Variants in RBFOX2 observed in about 807,000 individuals in gnomAD.
RBFOX2 encodes the protein RNA binding fox-1 homolog 2, also known as RNA binding protein fox-1 homolog 2.
RBFOX2 carries 10 observed loss-of-function variants against 49.1 expected under a neutral mutation model. The observed-to-expected ratio is 0.20, with a 90% CI of 0.13 to 0.35. The LOEUF is 0.35. RBFOX2 is among the 10% of genes least tolerant of loss of function. The pLI is 1.00. For synonymous variants in RBFOX2, 183 were observed against 187.4 expected (o/e 0.98, Z 0.19); for missense variants, 323 against 486.9 (o/e 0.66, Z 3.17).
chr22:35,912,383 T>A (rs1189246918), intron 1 of RBFOX2, among the ~76,000 whole-genome samples: 1 of 152,216 alleles, frequency 6.6e-6, no homozygotes, highest in Non-Finnish European at 1.5e-5. Flanking sequence ...ATGTACCAAG[T>A]GATGGAGCAA....
chr22:35,916,878 T>A (rs6000033), intron 1 of RBFOX2, among the ~76,000 whole-genome samples: 2,706 of 137,450 alleles, frequency 0.02, 62 homozygotes, highest in Middle Eastern at 0.054. Context: ...CTGAAAAATT[T>A]AAAAAAAAAA....
intron 1 of RBFOX2, among the ~76,000 whole-genome samples, chr22:35,945,923 T>C (rs535332867): frequency 1.8e-4 from 27 of 152,322 alleles, no homozygotes; most frequent in Non-Finnish European, 3.4e-4. Flanking sequence ...AAAAAACTCA[T>C]TCTACCTCCC....
intron 3 of RBFOX2, among the ~76,000 whole-genome samples, chr22:35,780,368 CA>C (rs1056826871): frequency 3.3e-3 from 429 of 128,890 alleles, no homozygotes; most frequent in Middle Eastern, 8.1e-3. Context: ...AACAAACAAA[CA>C]AAAAAAAAAA....
At chr22:35,884,532 A>G (rs922050406) in intron 1 of RBFOX2, among the ~76,000 whole-genome samples, 4 of 152,158 alleles carry the variant, frequency 2.6e-5, no homozygotes, top group Admixed American at 1.3e-4. Context: ...ACTAGCTGTT[A>G]GGCCTAGACA....
chr22:35,826,064 G>A (rs1013412610), intron 1 of RBFOX2, among the ~76,000 whole-genome samples: 12 of 147,314 alleles, frequency 8.1e-5, no homozygotes, highest in South Asian at 4.3e-4. Flanking sequence ...AAAAAAAGCC[G>A]GGTGCAGCGG....
intron 1 of RBFOX2, among the ~76,000 whole-genome samples, chr22:35,871,503 C>G (rs1428425786): frequency 1.3e-5 from 2 of 152,112 alleles, no homozygotes; most frequent in Non-Finnish European, 2.9e-5. Context: ...TGGGAAAAGA[C>G]TTATTATGTG....
intron 1 of RBFOX2, among the ~76,000 whole-genome samples, chr22:35,864,239 C>T (rs1007470595): frequency 2.0e-5 from 3 of 152,126 alleles, no homozygotes; most frequent in African/African-American, 7.2e-5. Flanking sequence ...TGTTTTGCTA[C>T]ACTTTTTATA....
chr22:35,840,631 C>T (rs12165737), upstream of RBFOX2: 903 of 1,006,652 alleles, frequency 9.0e-4, 6 homozygotes, highest in African/African-American at 0.012. Context: ...TGCGTGTGTG[C>T]GTGTGTGTGT....
intron 1 of RBFOX2, among the ~76,000 whole-genome samples, chr22:35,869,957 T>C (rs2044163226): frequency 6.6e-6 from 1 of 152,218 alleles, no homozygotes; most frequent in Non-Finnish European, 1.5e-5. Context: ...GTTAGAGGTT[T>C]AAATTTTTTT....
intron 2 of RBFOX2, among the ~76,000 whole-genome samples, chr22:35,783,394 A>G (rs1011992371): frequency 6.6e-6 from 1 of 151,368 alleles, no homozygotes; most frequent in South Asian, 2.1e-4. Flanking sequence ...TCAAGTTTTA[A>G]GTGAAAATAT....
At chr22:36,009,005 T>C (rs2058717393) in intron 1 of RBFOX2, among the ~76,000 whole-genome samples, 1 of 152,164 alleles carries the variant, frequency 6.6e-6, no homozygotes, top group Non-Finnish European at 1.5e-5. Flanking sequence ...ATATTCTTTC[T>C]ACACAGCTTC....
chr22:35,784,774 GC>G (rs2147250075), intron 2 of RBFOX2, among the ~76,000 whole-genome samples: 1 of 152,300 alleles, frequency 6.6e-6, no homozygotes, highest in African/African-American at 2.4e-5. Context: ...ATGGGCTTTT[GC>G]CCCGGGAGGC....
intron 1 of RBFOX2, among the ~76,000 whole-genome samples, chr22:35,926,676 G>A (rs1483862020): frequency 1.3e-5 from 2 of 152,162 alleles, no homozygotes; most frequent in East Asian, 1.9e-4. Context: ...GAAGAGCGAT[G>A]AGAATAAAAG....
chr22:35,966,124 T>C (rs2056545088), upstream of RBFOX2, among the ~76,000 whole-genome samples: 1 of 152,232 alleles, frequency 6.6e-6, no homozygotes, highest in South Asian at 2.1e-4. Context: ...ATTAATGGAA[T>C]TGCACATTAT....
chr22:35,750,044 T>C (rs1934309852), intron 9 of RBFOX2, among the ~76,000 whole-genome samples: 1 of 152,140 alleles, frequency 6.6e-6, no homozygotes, highest in South Asian at 2.1e-4. Context: ...GACCTGGTAT[T>C]ACGGAAACAG....
intron 1 of RBFOX2, chr22:35,998,386 T>TC (rs1400040828): frequency 6.6e-6 from 1 of 152,184 alleles, no homozygotes; most frequent in Non-Finnish European, 1.5e-5. Flanking sequence ...TAATTAGGTT[T>TC]TTTTTTTGAG....
intron 1 of RBFOX2, among the ~76,000 whole-genome samples, chr22:35,819,848 CAG>C (rs1248703148): frequency 6.6e-6 from 1 of 152,140 alleles, no homozygotes; most frequent in Non-Finnish European, 1.5e-5. Flanking sequence ...GCTGGAGAGA[CAG>C]AGAATTTCTA....
intron 1 of RBFOX2, among the ~76,000 whole-genome samples, chr22:35,885,609 A>C (rs996464439): frequency 6.6e-6 from 1 of 152,072 alleles, no homozygotes; most frequent in Non-Finnish European, 1.5e-5. Context: ...CCAGTGATTA[A>C]AGTTCATCTC....
At chr22:35,805,572 C>T (rs1204778063) in intron 2 of RBFOX2, among the ~76,000 whole-genome samples, 1 of 152,058 alleles carries the variant, frequency 6.6e-6, no homozygotes, top group South Asian at 2.1e-4. Flanking sequence ...TTGGTGGTTT[C>T]TTATAAAATT....
Sources: gnomAD v4.1 joint callset for allele counts (sites outside exome capture counted in the v4.1 genomes callset) on GRCh38, gnomAD v4.1.1 for gene constraint, MANE v1.5 for transcripts, NCBI Gene and HGNC (gene_info 2026-07-23, HGNC 2026-07-21) for gene names.